KCNQ5: variants seen among roughly 807,000 people sequenced by gnomAD.
KCNQ5 encodes potassium voltage-gated channel subfamily KQT member 5.
In KCNQ5, 30 loss-of-function variants were observed where a neutral mutation model predicts 98.2. That is an observed-to-expected ratio of 0.31 (90% CI 0.23 to 0.41). KCNQ5 has a LOEUF of 0.41. Ranked by LOEUF, KCNQ5 falls within the 10% of genes least tolerant of loss-of-function variation. The pLI is 1.00. For missense variants in KCNQ5, 835 were observed against 1,182.5 expected (o/e 0.71, Z 4.31); for synonymous variants, 458 against 449.4 (o/e 1.02, Z -0.24).
chr6:73,007,339 C>T, intron 2 of KCNQ5, among the ~76,000 whole-genome samples: 1 of 152,292 alleles, frequency 6.6e-6, no homozygotes, highest in East Asian at 1.9e-4. Context: ...ATTCAAATTT[C>T]ACTCCTGTCC....
At chr6:73,024,951 C>T (rs1348752894) in intron 2 of KCNQ5, among the ~76,000 whole-genome samples, 4 of 152,158 alleles carry the variant, frequency 2.6e-5, no homozygotes, top group Admixed American at 2.0e-4. Context: ...AATTATAAGC[C>T]ACATGCTTTT....
chr6:73,120,664 T>C (rs1247131520), intron 8 of KCNQ5, 87 bp downstream of exon 8: 6 of 786,016 alleles, frequency 7.6e-6, no homozygotes, highest in Non-Finnish European at 1.2e-5. Context: ...AAAAAAGGTG[T>C]TAATGTTTGG....
At chr6:72,808,218 G>T (rs771592980) in intron 1 of KCNQ5, among the ~76,000 whole-genome samples, 5 of 152,136 alleles carry the variant, frequency 3.3e-5, no homozygotes, top group Non-Finnish European at 5.9e-5. Context: ...TAAGAAAGAA[G>T]AAGTTGTTAC....
intron 1 of KCNQ5, among the ~76,000 whole-genome samples, chr6:72,637,493 C>T (rs1479221867): frequency 1.3e-5 from 2 of 151,990 alleles, no homozygotes; most frequent in Admixed American, 1.3e-4. Flanking sequence ...TGGAAAATGG[C>T]TTTTTTCTTC....
intron 1 of KCNQ5, among the ~76,000 whole-genome samples, chr6:72,896,752 G>T (rs116701806): frequency 6.6e-6 from 1 of 152,112 alleles, no homozygotes; most frequent in African/African-American, 2.4e-5. Context: ...GTTGGAAAAA[G>T]TGCCGCTCCT....
At chr6:72,770,676 G>T (rs1772821774) in intron 1 of KCNQ5, among the ~76,000 whole-genome samples, 1 of 151,948 alleles carries the variant, frequency 6.6e-6, no homozygotes. Context: ...ATTGCCTGTG[G>T]ACTTTAAATA....
At chr6:72,713,808 A>T (rs960942778) in intron 1 of KCNQ5, among the ~76,000 whole-genome samples, 2 of 152,292 alleles carry the variant, frequency 1.3e-5, no homozygotes, top group East Asian at 3.9e-4. Flanking sequence ...AGTAAAACTT[A>T]ACCACTTAAG....
At chr6:73,163,400 A>C (rs1406295758) in intron 10 of KCNQ5, among the ~76,000 whole-genome samples, 1 of 152,158 alleles carries the variant, frequency 6.6e-6, no homozygotes. Context: ...TGTCTCAAGA[A>C]ATATATAATA....
intron 1 of KCNQ5, among the ~76,000 whole-genome samples, chr6:72,982,810 G>A (rs1015439268): frequency 7.2e-5 from 11 of 152,132 alleles, no homozygotes; most frequent in East Asian, 3.8e-4. Context: ...GTCTGGTACC[G>A]GTTGTTGCTT....
chr6:72,946,571 A>G (rs1262600442), intron 1 of KCNQ5, among the ~76,000 whole-genome samples: 1 of 152,176 alleles, frequency 6.6e-6, no homozygotes, highest in Admixed American at 6.5e-5. Flanking sequence ...TAATTTGTAG[A>G]AAAAAATAGA....
At chr6:72,868,246 G>C (rs1476326927) in intron 1 of KCNQ5, among the ~76,000 whole-genome samples, 1 of 152,200 alleles carries the variant, frequency 6.6e-6, no homozygotes, top group Non-Finnish European at 1.5e-5. Context: ...TAGAAGAGAT[G>C]CCTTTTTGTA....
chr6:72,970,293 C>T (rs756433295), intron 1 of KCNQ5, among the ~76,000 whole-genome samples: 1 of 151,942 alleles, frequency 6.6e-6, no homozygotes, highest in Non-Finnish European at 1.5e-5. Flanking sequence ...AGAAACTAGT[C>T]CCCCATAATT....
chr6:73,035,517 A>C (rs1306065818), intron 2 of KCNQ5, among the ~76,000 whole-genome samples: 3 of 152,246 alleles, frequency 2.0e-5, no homozygotes, highest in African/African-American at 7.2e-5. Context: ...ATCCTGAGGT[A>C]CAGCAGCAAA....
intron 1 of KCNQ5, among the ~76,000 whole-genome samples, chr6:72,797,289 A>G (rs946373897): frequency 6.6e-6 from 1 of 152,092 alleles, no homozygotes; most frequent in Non-Finnish European, 1.5e-5. Flanking sequence ...AGGCTGAGGT[A>G]GGCAGACTGC....
intron 1 of KCNQ5, among the ~76,000 whole-genome samples, chr6:72,938,704 T>C (rs1766072341): frequency 6.6e-6 from 1 of 152,078 alleles, no homozygotes; most frequent in African/African-American, 2.4e-5. Flanking sequence ...TTTAAAACCA[T>C]TGAATTTTAT....
chr6:73,001,917 C>A (rs901444363), intron 1 of KCNQ5, among the ~76,000 whole-genome samples: 1 of 151,468 alleles, frequency 6.6e-6, no homozygotes, highest in Admixed American at 6.6e-5. Flanking sequence ...GCCAGGAGTT[C>A]GAGACCAGCC....
In KCNQ5 at chr6:72,631,843, A is replaced by G. The variant is rs186456585; in HGVS notation, c.398+9256A>G. Among the ~76,000 whole-genome samples the G allele has an allele frequency of 7.9e-4, 121 of 152,362 alleles. 1 individual carries two copies. The highest frequency in any genetic ancestry group is 2.9e-3 in the African/African-American group (119 of 41,592). The stretch of plus-strand genomic sequence containing the variant: ...AAGAAGTTTTTTTATCACAAATAAT[A>G]GTCATTTTAATGATTATGTGCTGGA... On this transcript the variant is annotated intron_variant, in intron 1 of 13. Transcript: ENST00000370398.
At chr6:72,982,487 CTTTTT>C (rs141947372) in intron 1 of KCNQ5, among the ~76,000 whole-genome samples, 36 of 60,290 alleles carry the variant, frequency 6.0e-4, no homozygotes, top group African/African-American at 2.2e-3. Flanking sequence ...GCAACCCCTG[CTTTTT>C]TTTTTTTTTT....
At chr6:73,102,093 G>A (rs1300455429) in intron 5 of KCNQ5, among the ~76,000 whole-genome samples, 1 of 151,962 alleles carries the variant, frequency 6.6e-6, no homozygotes, top group African/African-American at 2.4e-5. Context: ...AAACAAATCC[G>A]TACATCCACA....
Sources: allele counts gnomAD v4.1 joint callset (sites outside exome capture counted in the v4.1 genomes callset), GRCh38; gene constraint gnomAD v4.1.1; transcripts MANE v1.5; gene names NCBI Gene and HGNC (gene_info 2026-07-23, HGNC 2026-07-21).